Variants in DMRT1 observed in about 807,000 individuals in gnomAD.
DMRT1 encodes doublesex- and mab-3-related transcription factor 1.
A neutral mutation model predicts 32.3 loss-of-function variants in DMRT1; 7 were observed. That is an observed-to-expected ratio of 0.22 (90% CI 0.12 to 0.41). The LOEUF (loss-of-function observed/expected upper bound fraction) is 0.41. Ranked by LOEUF, DMRT1 falls within the 10% of genes least tolerant of loss-of-function variation. The pLI, the probability that DMRT1 is intolerant of heterozygous loss-of-function variation, is 1.00. For missense variants in DMRT1, 625 were observed against 500.5 expected, an observed-to-expected ratio of 1.25 and a Z score of -2.37; for synonymous variants, 278 against 206.1, an observed-to-expected ratio of 1.35 and a Z score of -2.99.
intron 3 of DMRT1, among the ~76,000 whole-genome samples, chr9:904,269 C>CT (rs1817689797): frequency 6.6e-6 from 1 of 152,144 alleles, no homozygotes; most frequent in Admixed American, 6.6e-5. Flanking sequence ...TTTTAGCTTA[C>CT]TTTTTTTCCT....
intron 2 of DMRT1, among the ~76,000 whole-genome samples, chr9:855,518 A>G (rs1357635628): frequency 6.6e-6 from 1 of 152,236 alleles, no homozygotes; most frequent in Non-Finnish European, 1.5e-5. Context: ...GCTCTATTTT[A>G]AAATACTAGG....
chr9:895,540 G>C (rs908627801), intron 3 of DMRT1, among the ~76,000 whole-genome samples: 1 of 152,056 alleles, frequency 6.6e-6, no homozygotes, highest in Non-Finnish European at 1.5e-5. Context: ...CTTTATTGAC[G>C]TATCATGGGT....
intron 3 of DMRT1, among the ~76,000 whole-genome samples, chr9:907,474 C>G (rs1366934251): frequency 1.3e-5 from 2 of 152,210 alleles, no homozygotes; most frequent in African/African-American, 2.4e-5. Flanking sequence ...CCACCCCACT[C>G]TCTTTTGTGA....
chr9:914,804 A>C (rs545768326), intron 3 of DMRT1, among the ~76,000 whole-genome samples: 1 of 152,280 alleles, frequency 6.6e-6, no homozygotes, highest in East Asian at 1.9e-4. Flanking sequence ...GCTTGAGAGC[A>C]GTAGAGATCA....
intron 4 of DMRT1, among the ~76,000 whole-genome samples, chr9:922,226 G>C (rs1172047826): frequency 6.6e-6 from 1 of 151,938 alleles, no homozygotes; most frequent in Non-Finnish European, 1.5e-5. Context: ...ATTGTATTTT[G>C]CCAAAGTACC....
At chr9:930,283 C>A in intron 4 of DMRT1, among the ~76,000 whole-genome samples, 1 of 152,068 alleles carries the variant, frequency 6.6e-6, no homozygotes, top group Non-Finnish European at 1.5e-5. Flanking sequence ...GATAATAGCT[C>A]ATTGTAGCCT....
At chr9:967,385 T>C (rs1479134409) in intron 4 of DMRT1, among the ~76,000 whole-genome samples, 2 of 152,238 alleles carry the variant, frequency 1.3e-5, no homozygotes, top group Non-Finnish European at 2.9e-5. Context: ...ATGTAATTTA[T>C]TTACTTTTCT....
intron 3 of DMRT1, among the ~76,000 whole-genome samples, chr9:913,266 T>C (rs1283318974): frequency 2.0e-5 from 3 of 152,160 alleles, no homozygotes; most frequent in Admixed American, 6.5e-5. Context: ...CTGAAGTAGA[T>C]GTGACAAACT....
rs1253975258 is a variant in DMRT1 at position 847,037 on chromosome 9, G to A, written c.432G>A (p.Glu144=). ...SHPIPLPSAA[E]LLVKRENNGS... ...CCATCCCACTGCCCAGTGCGGCCGA[G>A]CTGCTTGTCAAAAGAGAGAACAATG... The change falls in exon 2 of 5, where the codon GAG becomes GAA. Residue 144 remains glutamate, a synonymous_variant. Transcript: ENST00000382276. 3 of 1,614,016 alleles carry A rather than the reference G, an allele frequency of 1.9e-6. No homozygotes were observed. The highest frequency in any genetic ancestry group is 2.7e-5 in the African/African-American group (2 of 74,928).
intron 3 of DMRT1, among the ~76,000 whole-genome samples, chr9:898,066 A>G (rs1314479824): frequency 6.6e-6 from 1 of 152,204 alleles, no homozygotes; most frequent in African/African-American, 2.4e-5. Context: ...GAAGGGAGAG[A>G]AACTGGATGG....
chr9:954,547 A>G (rs1260559970), intron 4 of DMRT1, among the ~76,000 whole-genome samples: 1 of 152,140 alleles, frequency 6.6e-6, no homozygotes, highest in East Asian at 1.9e-4. Flanking sequence ...CCAAGATCCA[A>G]GAGATGAGGG....
At chr9:953,533 A>T (rs1819499055) in intron 4 of DMRT1, among the ~76,000 whole-genome samples, 1 of 152,190 alleles carries the variant, frequency 6.6e-6, no homozygotes, top group South Asian at 2.1e-4. Flanking sequence ...AAAGTTTATC[A>T]AGTGGATTCT....
intron 4 of DMRT1, among the ~76,000 whole-genome samples, chr9:919,375 G>A (rs762568307): frequency 3.2e-4 from 45 of 138,790 alleles, no homozygotes; most frequent in Non-Finnish European, 5.6e-4. Flanking sequence ...CTTCCTCTGG[G>A]TTTGCTATAA....
intron 2 of DMRT1, among the ~76,000 whole-genome samples, chr9:869,695 C>G (rs914790441): frequency 8.5e-5 from 13 of 152,200 alleles, no homozygotes; most frequent in Admixed American, 7.9e-4. Context: ...CTTTGTTTCT[C>G]CTCCCTATTT....
chr9:932,789 C>G (rs1019778249), intron 4 of DMRT1, among the ~76,000 whole-genome samples: 2 of 152,146 alleles, frequency 1.3e-5, no homozygotes. Flanking sequence ...TAATGACTCA[C>G]AGAACTCAGA....
intron 2 of DMRT1, among the ~76,000 whole-genome samples, chr9:857,811 G>A (rs1178774888): frequency 1.6e-5 from 2 of 125,080 alleles, no homozygotes; most frequent in Non-Finnish European, 3.1e-5. Context: ...GGTGTGTGAT[G>A]TTCCCCTTCC....
chr9:966,673 T>C lies in DMRT1; in HGVS notation c.968-1312T>C, dbSNP rs148965507. 3.8e-3 allele frequency among the ~76,000 whole-genome samples: 583 copies of C among 152,344 alleles called. 2 individuals carry two copies. Among genetic ancestry groups the C allele is most frequent in the Non-Finnish European group, 6.7e-3 (457 of 68,032 alleles). On this transcript the variant is annotated intron_variant, in intron 4 of 4. Coordinates refer to ENST00000382276, the MANE Select transcript of DMRT1 (RefSeq NM_021951.3). ...CTTAAATCCTAGCTCTGTTCTTTTA[T>C]TTCTGTGTGGTTCCACTAGCTGCAG... is the stretch of plus-strand genomic sequence containing the variant.
chr9:940,331 C>G (rs1467726888), intron 4 of DMRT1, among the ~76,000 whole-genome samples: 2 of 152,162 alleles, frequency 1.3e-5, no homozygotes, highest in Non-Finnish European at 2.9e-5. Context: ...AACAGAAGAA[C>G]AGATAAACAA....
chr9:952,989 C>A (rs556031734), intron 4 of DMRT1, among the ~76,000 whole-genome samples: 45 of 152,198 alleles, frequency 3.0e-4, no homozygotes, highest in African/African-American at 1.0e-3. Context: ...AGACTTAAAT[C>A]TTTAAGACTT....
Sources: allele counts gnomAD v4.1 joint callset (sites outside exome capture counted in the v4.1 genomes callset), GRCh38; gene constraint gnomAD v4.1.1; transcripts MANE v1.5; gene names NCBI Gene and HGNC (gene_info 2026-07-23, HGNC 2026-07-21).